Variants in USP15 observed in about 807,000 individuals in gnomAD.
USP15 encodes ubiquitin specific peptidase 15, also known as ubiquitin carboxyl-terminal hydrolase 15.
In USP15, 18 loss-of-function variants were observed where a neutral mutation model predicts 127.1. The observed-to-expected ratio is 0.14, with a 90% CI of 0.10 to 0.21. The LOEUF (loss-of-function observed/expected upper bound fraction) is 0.21. Among genes scored for constraint, USP15 ranks in the 10% least tolerant of loss-of-function variants. The pLI is 1.00. For synonymous variants in USP15, 364 were observed against 393.7 expected (o/e 0.92, Z 0.89); for missense variants, 805 against 1,159.9 (o/e 0.69, Z 4.44).
chr12:62,354,795 CTAGTT>C (rs983032717), intron 7 of USP15, among the ~76,000 whole-genome samples: 5 of 151,890 alleles, frequency 3.3e-5, no homozygotes, highest in African/African-American at 4.8e-5. Context: ...CATTTGAATA[CTAGTT>C]TTTGCTGGTC....
At chr12:62,335,215 T>C in intron 6 of USP15, 1 of 1,535,476 alleles carries the variant, frequency 6.5e-7, no homozygotes, top group South Asian at 1.2e-5. Flanking sequence ...TCCACATACG[T>C]CACAGAAAGA....
At chr12:62,336,215 A>C in intron 6 of USP15, 1 of 985,442 alleles carries the variant, frequency 1.0e-6, no homozygotes, top group African/African-American at 1.7e-5. Context: ...AACTGACACA[A>C]AATATGCCAT....
chr12:62,399,372 A>G (rs1276971155), intron 20 of USP15, among the ~76,000 whole-genome samples: 2 of 152,230 alleles, frequency 1.3e-5, no homozygotes, highest in Non-Finnish European at 2.9e-5. Context: ...ATTTTTAACC[A>G]GAGTTCATGG....
intron 21 of USP15, 71 bp from the exon 22 acceptor site, chr12:62,404,122 C>A: frequency 7.3e-7 from 1 of 1,363,182 alleles, no homozygotes; most frequent in South Asian, 2.3e-5. Context: ...TGGTGACCAG[C>A]TAAAAATTCA....
At position 62,391,479 on chromosome 12, in the gene USP15, A is replaced by ATT; in HGVS notation, c.2233+59_2233+60dup. On this transcript the variant is annotated intron_variant, in intron 16 of 21. Coordinates refer to ENST00000280377, the MANE Select transcript of USP15 (RefSeq NM_001252078.2). ...GAACATTAAACAAGCCGAGCATGTTATTTTTTTTTTAGGTGAAAACCATGA... is the reference window on the plus strand; with the variant it reads ...GAACATTAAACAAGCCGAGCATGTTATTTTTTTTTTTTAGGTGAAAACCATGA... 3.6e-6 allele frequency: 5 copies of ATT among 1,369,972 alleles called. No individual in the cohort carries two copies. In the South Asian group the frequency reaches 4.3e-5, roughly 12 times the overall value. The allele number at this position is 1,369,972 out of a possible 1,614,324, so 84.9% of individuals were successfully genotyped here. A position where few individuals can be genotyped will look rare whatever the true frequency, so the allele number is the denominator to read the frequency against.
chr12:62,285,721 A>G (rs1312085277), intron 1 of USP15, among the ~76,000 whole-genome samples: 1 of 152,016 alleles, frequency 6.6e-6, no homozygotes, highest in Non-Finnish European at 1.5e-5. Flanking sequence ...TATCTTCACT[A>G]TTGTGAATAG....
intron 1 of USP15, among the ~76,000 whole-genome samples, chr12:62,265,957 A>G (rs1249560409): frequency 8.2e-6 from 1 of 121,906 alleles, no homozygotes; most frequent in Admixed American, 8.4e-5. Context: ...ATTTAGTAGC[A>G]GAATTCTACC....
chr12:62,389,893 T>C lies in USP15; in HGVS notation c.1749T>C (p.His583=). The C allele has an allele frequency of 6.2e-7, 1 of 1,613,930 alleles. No individual in the cohort carries two copies. The highest frequency in any genetic ancestry group is 8.5e-7 in the Non-Finnish European group (1 of 1,179,894). ...EKFRHSSYTH[H]TGSSLFGQPF... ...TCAGACACTCGAGTTATACCCACCA[T>C]ACTGGTTCTTCACTTTTTGGTCAGC... is the stretch of plus-strand genomic sequence containing the variant. Residue 583 remains histidine (H), a synonymous_variant, in exon 14 of 22, where the codon CAT becomes CAC. Transcript: ENST00000280377.
chr12:62,368,274 A>G (rs1449837198), intron 8 of USP15, among the ~76,000 whole-genome samples: 1 of 152,188 alleles, frequency 6.6e-6, no homozygotes, highest in African/African-American at 2.4e-5. Context: ...GCCAAGAAGA[A>G]TGTATGTTTT....
chr12:62,260,607 C>G, intron 1 of USP15, 104 bp downstream of exon 1: 3 of 1,119,832 alleles, frequency 2.7e-6, no homozygotes, highest in Non-Finnish European at 3.8e-6. Flanking sequence ...CGGGCAGGTC[C>G]GGCGGCGGCC....
rs2044846 is a variant in USP15, at chr12:62,384,284, A to G, written c.1455A>G (p.Pro485=). 0.61 allele frequency: 980,384 copies of G among 1,605,158 alleles called. 300,818 individuals carry two copies. The highest frequency in any genetic ancestry group is 0.62 in the Non-Finnish European group (730,472 of 1,176,054). Residue 485 remains proline (P), a synonymous_variant, in exon 11 of 22, where the codon CCA becomes CCG. Transcript: ENST00000280377. ...AAGTTTACTTAGTTAGAATGGATCCACTTACCAAACCTATGCAGGTAAATC... is the reference window on the plus strand; with the variant it reads ...AAGTTTACTTAGTTAGAATGGATCCGCTTACCAAACCTATGCAGGTAAATC... ...TLEVYLVRMD[P]LTKPMQYKVV... is the part of the protein sequence containing the mutation.
chr12:62,361,579 A>G (rs2066317072), intron 8 of USP15, among the ~76,000 whole-genome samples: 1 of 152,032 alleles, frequency 6.6e-6, no homozygotes. Context: ...GAAGTTATTA[A>G]TGTAATTAGG....
At position 62,413,345 on chromosome 12, in the gene USP15, A is replaced by T. The variant is rs748197316; in HGVS notation, c.*8970A>T. Reference sequence around the variant, plus strand: ...AGTTAGCATTGCATTGGCCCCTAACAAGAAATCAGTCTCTCGTTTGAAGCC... The same window carrying T: ...AGTTAGCATTGCATTGGCCCCTAACTAGAAATCAGTCTCTCGTTTGAAGCC... On this transcript the variant is annotated 3_prime_UTR_variant, in exon 22 of 22. Coordinates refer to ENST00000280377, the MANE Select transcript of USP15 (RefSeq NM_001252078.2). 1 of 152,222 alleles carries T rather than the reference A, an allele frequency of 6.6e-6. No individual in the cohort carries two copies. Among genetic ancestry groups the T allele is most frequent in the Non-Finnish European group, 1.5e-5 (1 of 68,032 alleles). 9.4% of individuals were successfully genotyped at this position (152,222 alleles called of 1,614,324 possible). A position where few individuals can be genotyped will look rare whatever the true frequency, so the allele number is the denominator to read the frequency against.
chr12:62,371,648 G>A (rs761027443), intron 8 of USP15, among the ~76,000 whole-genome samples: 1 of 152,072 alleles, frequency 6.6e-6, no homozygotes, highest in Non-Finnish European at 1.5e-5. Context: ...GTACCAATCT[G>A]TGGTGGAATT....
At chr12:62,314,681 G>C (rs934793434) in intron 3 of USP15, 109 bp from the exon 4 acceptor site, 14 of 1,072,538 alleles carry the variant, frequency 1.3e-5, no homozygotes, top group Non-Finnish European at 1.6e-5. Context: ...ATAGTGACTG[G>C]TTTTTCACTG....
At chr12:62,356,066 G>T (rs1169259705) in intron 8 of USP15, among the ~76,000 whole-genome samples, 5 of 151,320 alleles carry the variant, frequency 3.3e-5, no homozygotes, top group African/African-American at 1.2e-4. Context: ...TAATGAGAGA[G>T]ATATATTTTT....
intron 5 of USP15, among the ~76,000 whole-genome samples, chr12:62,324,749 TAAC>T (rs976622260): frequency 1.2e-4 from 19 of 152,090 alleles, no homozygotes; most frequent in Admixed American, 9.2e-4. Flanking sequence ...GCATCTCTTT[TAAC>T]AACAAGATTT....
chr12:62,303,573 A>G (rs1463249901), intron 3 of USP15: 1 of 152,156 alleles, frequency 6.6e-6, no homozygotes, highest in East Asian at 1.9e-4. Flanking sequence ...CTCTTGGCAT[A>G]ATTTTGTATC....
In USP15 at chr12:62,415,139, G is replaced by T. The variant is rs993677901; in HGVS notation, c.*10764G>T. On this transcript the variant is annotated 3_prime_UTR_variant, in exon 22 of 22. Coordinates refer to ENST00000280377, the MANE Select transcript of USP15 (RefSeq NM_001252078.2). ...GTGTAGTTCAAGTCCGAGTCCAAAG[G>T]GTTGAGAACCAGGAAAACCAATGAT... 6.6e-6 allele frequency: 1 copy of T among 152,052 alleles called. No homozygotes were observed. Among genetic ancestry groups the T allele is most frequent in the Non-Finnish European group, 1.5e-5 (1 of 68,014 alleles). 9.4% of individuals were successfully genotyped at this position (152,052 alleles called of 1,614,324 possible).
Sources: allele counts gnomAD v4.1 joint callset (sites outside exome capture counted in the v4.1 genomes callset), GRCh38; gene constraint gnomAD v4.1.1; transcripts MANE v1.5; gene names NCBI Gene and HGNC (gene_info 2026-07-23, HGNC 2026-07-21).